The following MMP28 variants were observed in gnomAD, a reference collection of about 807,000 sequenced individuals.
MMP28 encodes matrix metallopeptidase 28, also known as matrix metalloproteinase-28.
In MMP28, 55 loss-of-function variants were observed where a neutral mutation model predicts 60.5. That is an observed-to-expected ratio of 0.91 (90% CI 0.73 to 1.14). The LOEUF is 1.14. MMP28 is among the 50% of genes most tolerant of loss of function. The pLI is 0.00. For missense variants in MMP28, 686 were observed against 738.3 expected (o/e 0.93, Z 0.82); for synonymous variants, 318 against 312.5 (o/e 1.02, Z -0.18).
chr17:35,764,007 G>T (rs1555602060), downstream of MMP28: 4 of 1,538,118 alleles, frequency 2.6e-6, no homozygotes, highest in Non-Finnish European at 3.5e-6. Context: ...CGGCCCGCAG[G>T]TGTGAAGACC....
At position 35,770,086 on chromosome 17, in the gene MMP28, C is replaced by T. The variant is rs1038656760; in HGVS notation, c.831G>A (p.Leu277=). The stretch of plus-strand genomic sequence containing the variant: ...CCTCACCATACAGGCTCTGCACGGC[C>T]AGCACGTCGTCCCAGCTGAGCAGCG... ...RDALLSWDDV[L]AVQSLYGKPL... is the part of the protein sequence containing the mutation. Residue 277 remains leucine, a synonymous_variant, in exon 5 of 8, where the codon CTG becomes CTA. Coordinates refer to ENST00000605424, the MANE Select transcript of MMP28 (RefSeq NM_024302.5). The T allele has an allele frequency of 1.9e-6, 3 of 1,590,972 alleles. No homozygotes were observed. The highest frequency in any genetic ancestry group is 2.6e-6 in the Non-Finnish European group (3 of 1,169,482).
intron 1 of MMP28, among the ~76,000 whole-genome samples, chr17:35,789,331 T>C (rs983016472): frequency 6.6e-6 from 1 of 152,246 alleles, no homozygotes; most frequent in Non-Finnish European, 1.5e-5. Context: ...AGAAGTCATT[T>C]AAGAAATTTA....
intron 1 of MMP28, among the ~76,000 whole-genome samples, chr17:35,792,310 T>C (rs567311065): frequency 6.6e-6 from 1 of 152,074 alleles, no homozygotes; most frequent in South Asian, 2.1e-4. Context: ...TTCTCCCCGC[T>C]CCCAACACTC....
intron 4 of MMP28, among the ~76,000 whole-genome samples, chr17:35,771,550 A>T (rs2086140747): frequency 6.7e-6 from 1 of 149,924 alleles, no homozygotes; most frequent in Admixed American, 6.6e-5. Context: ...TGCTGGGAGC[A>T]TTCAGTGTAT....
Position 35,795,309 on chromosome 17 carries a change from C to A in MMP28, c.69G>T (p.Gln23His). ...GCTCCTGGCCTCCGCGCTCCGCGGG[C>A]TGGGCGTCCAGGTGGCCCCACAGTA... The part of the protein sequence containing the change: ...QLLLWGHLDA[Q>H]PAERGGQELR... The change falls in exon 1 of 8, where the codon CAG becomes CAT. Residue 23 changes from glutamine to histidine, a missense_variant. Transcript: ENST00000605424. 1.4e-6 allele frequency: 2 copies of A among 1,466,138 alleles called. No individual in the cohort carries two copies. The highest frequency in any genetic ancestry group is 1.8e-6 in the Non-Finnish European group (2 of 1,109,520). 90.8% of individuals were successfully genotyped at this position (1,466,138 alleles called of 1,614,324 possible). A position where few individuals can be genotyped will look rare whatever the true frequency, so the allele number is the denominator to read the frequency against.
intron 1 of MMP28, 168 bp from the exon 2 acceptor site, chr17:35,779,491 G>A (rs1447328069): frequency 1.7e-6 from 1 of 593,588 alleles, no homozygotes; most frequent in East Asian, 2.8e-5. Context: ...AAAAGGACCT[G>A]GACTCAATTC....
chr17:35,762,556 G>C (rs587687138), downstream of MMP28, among the ~76,000 whole-genome samples: 16 of 152,326 alleles, frequency 1.1e-4, no homozygotes, highest in Admixed American at 3.3e-4. Context: ...AGAGGGGACA[G>C]TGGTGGCTGA....
rs145602581 is a variant in MMP28 at position 35,774,271 on chromosome 17, G to A, written c.380-867C>T. Among the ~76,000 whole-genome samples the A allele has an allele frequency of 6.4e-3, 980 of 152,298 alleles. 11 individuals are homozygous for A. Among genetic ancestry groups the A allele is most frequent in the African/African-American group, 0.023 (937 of 41,552 alleles). On this transcript the variant is annotated intron_variant, in intron 3 of 7. Transcript: ENST00000605424. ...CATGGCCGGAAGGGCCAGATCCCGA[G>A]TTTCTTGTGGGCTATTTCTGAGCCC... is the stretch of plus-strand genomic sequence containing the variant.
downstream of MMP28, chr17:35,760,943 T>C: frequency 1.2e-6 from 2 of 1,613,646 alleles, no homozygotes; most frequent in Non-Finnish European, 1.7e-6. Flanking sequence ...TTGGGAAGAA[T>C]GGATAAGCAT....
intron 2 of MMP28, among the ~76,000 whole-genome samples, chr17:35,756,701 C>T (rs1276856179): frequency 6.6e-6 from 1 of 151,788 alleles, no homozygotes; most frequent in African/African-American, 2.4e-5. Context: ...TTCCTGAGCT[C>T]AAGTGATTTG....
Position 35,785,396 on chromosome 17 carries a change from A to G in MMP28, c.112-6073T>C, listed in dbSNP as rs1055395904. Among the ~76,000 whole-genome samples, 15 of 152,206 alleles carry G rather than the reference A, an allele frequency of 9.9e-5. 1 individual carries two copies. The highest frequency in any genetic ancestry group is 3.6e-4 in the African/African-American group (15 of 41,526). On this transcript the variant is annotated intron_variant, in intron 1 of 7. Transcript: ENST00000605424. ...ATGGCTAACTTGTATGTCCTTAGGT[A>G]AGTCCTGTGCCTCTCTGAGCTTCAG...
At chr17:35,761,089 G>A (rs587656405), downstream of MMP28, 289 of 879,726 alleles carry the variant, frequency 3.3e-4, 1 homozygote, top group African/African-American at 4.3e-3. Context: ...CTCTCCTTTC[G>A]CCTTCCTGAA....
chr17:35,784,046 C>T (rs2086580164), intron 1 of MMP28, among the ~76,000 whole-genome samples: 1 of 151,968 alleles, frequency 6.6e-6, no homozygotes, highest in African/African-American at 2.4e-5. Flanking sequence ...TTTGGGAGGC[C>T]GAGGCAGGTG....
At position 35,760,544 on chromosome 17, in the gene MMP28, C is replaced by T. The variant is rs587749131; in HGVS notation, c.266-4125G>A. Among the ~76,000 whole-genome samples the T allele has an allele frequency of 2.6e-5, 4 of 152,288 alleles. 1 individual carries two copies. In the South Asian group the frequency reaches 6.2e-4, roughly 24 times the overall value. ...CAAACCCAGTGCTTTCAGTGCTTCC[C>T]ATAGGCCAGGTAAAGCGTGGTACTG... is the stretch of plus-strand genomic sequence containing the variant. On this transcript the variant is annotated intron_variant, in intron 2 of 2. Coordinates refer to the MMP28 transcript ENST00000615317.
chr17:35,789,237 T>C (rs1225177836), intron 1 of MMP28, among the ~76,000 whole-genome samples: 1 of 152,032 alleles, frequency 6.6e-6, no homozygotes, highest in African/African-American at 2.4e-5. Flanking sequence ...ATGATGTATA[T>C]ACACACACAG....
At chr17:35,761,734 T>C (rs2085824716), downstream of MMP28, among the ~76,000 whole-genome samples, 2 of 152,232 alleles carry the variant, frequency 1.3e-5, no homozygotes, top group African/African-American at 4.8e-5. Flanking sequence ...CACGTCCCTC[T>C]ACAAGAATGT....
At position 35,773,360 on chromosome 17, in the gene MMP28, A is replaced by C. The variant is rs1555606620; in HGVS notation, c.424T>G (p.Trp142Gly). Reference sequence around the variant, plus strand: ...GCCGGCTCCGGCAGATGCTCAGGCCAGTTCACCAGGCGGTAGGAGAGGTGC... The same window carrying C: ...GCCGGCTCCGGCAGATGCTCAGGCCCGTTCACCAGGCGGTAGGAGAGGTGC... ...KQHLSYRLVN[W>G]PEHLPEPAVR... The change falls in exon 4 of 8, where the codon TGG (tryptophan) becomes GGG (glycine). Residue 142 changes from tryptophan (W) to glycine (G), a missense_variant. Physicochemically the swap from Trp to Gly is radical, Grantham distance 184 (BLOSUM62 -2). Transcript: ENST00000605424. 1 of 1,611,414 alleles carries C rather than the reference A, an allele frequency of 6.2e-7. No homozygotes were observed. Among genetic ancestry groups the C allele is most frequent in the Admixed American group, 1.7e-5 (1 of 59,500 alleles).
intron 1 of MMP28, among the ~76,000 whole-genome samples, chr17:35,787,416 A>G (rs768299829): frequency 3.9e-5 from 6 of 152,046 alleles, no homozygotes; most frequent in Non-Finnish European, 8.8e-5. Flanking sequence ...TTTTGGGTAA[A>G]GGCTTCCCCT....
In MMP28 at chr17:35,767,907, T is replaced by G; in HGVS notation, c.1013A>C (p.Gln338Pro). The G allele has an allele frequency of 1.9e-6, 3 of 1,586,074 alleles. No homozygotes were observed. The highest frequency in any genetic ancestry group is 1.7e-6 in the Non-Finnish European group (2 of 1,165,690). Residue 338 changes from glutamine (Q) to proline (P), a missense_variant, in exon 7 of 8, where the codon CAA becomes CCA. Coordinates refer to ENST00000605424, the MANE Select transcript of MMP28 (RefSeq NM_024302.5). ...ATGGCTCCCTTTAAAAATGTACAGTTGCTGTTGCCTGTCTGCCCAGAGACA... is the reference window on the plus strand; with the variant it reads ...ATGGCTCCCTTTAAAAATGTACAGTGGCTGTTGCCTGTCTGCCCAGAGACA... The part of the protein sequence containing the change: ...FDAITVDRQQ[Q>P]LYIFKGSHFW...
Sources: allele counts gnomAD v4.1 joint callset (sites outside exome capture counted in the v4.1 genomes callset), GRCh38; gene constraint gnomAD v4.1.1; transcripts MANE v1.5; gene names NCBI Gene and HGNC (gene_info 2026-07-23, HGNC 2026-07-21).